The following FRAS1 variants were observed in gnomAD, a reference collection of about 807,000 sequenced individuals.
FRAS1 encodes extracellular matrix organizing protein FRAS1.
In FRAS1, 290 loss-of-function variants were observed where a neutral mutation model predicts 435.2. The observed-to-expected ratio is 0.67, with a 90% CI of 0.61 to 0.73. FRAS1 has a LOEUF of 0.73. Among genes scored for constraint, FRAS1 ranks in the 30% least tolerant of loss-of-function variants. The pLI is 0.00. For synonymous variants in FRAS1, 1,800 were observed against 1,851.0 expected (o/e 0.97, Z 0.71); for missense variants, 4,860 against 5,001.5 (o/e 0.97, Z 0.85).
rs183886250 is a variant in FRAS1 at position 78,522,631 on chromosome 4, T to C, written c.10649-18T>C. 2.9e-4 allele frequency: 462 copies of C among 1,585,964 alleles called. 2 individuals carry two copies. The East Asian group carries it at 6.8e-3, about 23-fold the overall frequency. On this transcript the variant is annotated intron_variant, in intron 68 of 73. Coordinates refer to ENST00000512123, the MANE Select transcript of FRAS1 (RefSeq NM_025074.7). ...CTACCACAAGTACATTAAATGCATG[T>C]GTTTCCCCTTCAAATAGGACAGTTT...
chr4:78,085,866 C>T (rs558639116), intron 2 of FRAS1, among the ~76,000 whole-genome samples: 22 of 152,112 alleles, frequency 1.4e-4, no homozygotes, highest in East Asian at 3.9e-4. Flanking sequence ...GACAGATCAA[C>T]GAGACAGAAA....
At chr4:78,426,336 T>C (rs756344724) in intron 35 of FRAS1, among the ~76,000 whole-genome samples, 4 of 152,196 alleles carry the variant, frequency 2.6e-5, no homozygotes, top group Non-Finnish European at 5.9e-5. Flanking sequence ...TTAAGTTAAA[T>C]GATCTTGAAC....
chr4:78,303,961 T>C (rs907517356), intron 14 of FRAS1, among the ~76,000 whole-genome samples: 3 of 151,820 alleles, frequency 2.0e-5, no homozygotes, highest in African/African-American at 7.3e-5. Context: ...CTTCCAGTTT[T>C]TGCACATTCA....
At chr4:78,163,773 A>G (rs1721233529) in intron 2 of FRAS1, among the ~76,000 whole-genome samples, 1 of 152,224 alleles carries the variant, frequency 6.6e-6, no homozygotes, top group Non-Finnish European at 1.5e-5. Flanking sequence ...TGTTGAAAAA[A>G]TAATATTTTG....
intron 23 of FRAS1, among the ~76,000 whole-genome samples, chr4:78,370,897 C>G (rs746720223): frequency 3.3e-4 from 50 of 152,146 alleles, no homozygotes; most frequent in Non-Finnish European, 6.0e-4. Context: ...ACTCCTTCCA[C>G]ATTTCTCTCT....
At chr4:78,398,441 G>A (rs1352803315) in intron 29 of FRAS1, among the ~76,000 whole-genome samples, 3 of 152,178 alleles carry the variant, frequency 2.0e-5, no homozygotes, top group Non-Finnish European at 4.4e-5. Context: ...TGAGTCACAA[G>A]GTGTATTGTC....
At chr4:78,269,886 G>A (rs868621510) in intron 9 of FRAS1, among the ~76,000 whole-genome samples, 12 of 152,174 alleles carry the variant, frequency 7.9e-5, no homozygotes, top group Non-Finnish European at 1.6e-4. Context: ...GAGGGTAGGC[G>A]CGTGGTAAAT....
chr4:78,473,632 T>A (rs1311713641), intron 53 of FRAS1, 35 bp downstream of exon 53: 1 of 1,527,560 alleles, frequency 6.5e-7, no homozygotes, highest in Admixed American at 1.8e-5. Flanking sequence ...TCTTGAGAAA[T>A]CAATCAGGCA....
chr4:78,472,125 T>A, intron 51 of FRAS1, 55 bp from the exon 52 acceptor site: 1 of 1,554,534 alleles, frequency 6.4e-7, no homozygotes. Context: ...TCAGAGGGTC[T>A]TGTTCCTGCT....
At chr4:78,392,520 A>C (rs1732487561) in intron 29 of FRAS1, among the ~76,000 whole-genome samples, 1 of 152,060 alleles carries the variant, frequency 6.6e-6, no homozygotes, top group African/African-American at 2.4e-5. Context: ...GGCTTATGGC[A>C]TTATTTCTGG....
In FRAS1 at chr4:78,315,623, C is replaced by A. The variant is rs768451421; in HGVS notation, c.1708C>A (p.Pro570Thr). 6.2e-7 allele frequency: 1 copy of A among 1,612,758 alleles called. No individual in the cohort carries two copies. Among genetic ancestry groups the A allele is most frequent in the Admixed American group, 1.7e-5 (1 of 59,834 alleles). ...ACDQSCDSCG[P>T]SSPRCLTCTE... ...TGACCAATCCTGTGACAGTTGTGGC[C>A]CCAGTAGCCCCAGGTGTCTTACCTG... Residue 570 changes from proline to threonine, a missense_variant, in exon 16 of 74, where the codon CCC becomes ACC. Transcript: ENST00000512123.
At chr4:78,412,947 A>T (rs1733399737) in intron 31 of FRAS1, 22 bp from the exon 32 acceptor site, 1 of 1,505,572 alleles carries the variant, frequency 6.6e-7, no homozygotes, top group Non-Finnish European at 9.1e-7. Flanking sequence ...TGAGAGGCTC[A>T]CCAGGATGAC....
intron 2 of FRAS1, among the ~76,000 whole-genome samples, chr4:78,102,360 C>T (rs1270154374): frequency 1.3e-5 from 2 of 152,156 alleles, no homozygotes; most frequent in African/African-American, 4.8e-5. Flanking sequence ...CAGGTTGTAA[C>T]CGGAGAGCAC....
At chr4:78,218,694 A>G (rs1182542997) in intron 2 of FRAS1, among the ~76,000 whole-genome samples, 1 of 152,212 alleles carries the variant, frequency 6.6e-6, no homozygotes, top group Non-Finnish European at 1.5e-5. Context: ...GTCTTCCCAG[A>G]GGTACTGAAA....
At position 78,237,558 on chromosome 4, in the gene FRAS1, G is replaced by A. The variant is rs2110114975; in HGVS notation, c.157G>A (p.Gly53Ser). 6.2e-7 allele frequency: 1 copy of A among 1,613,264 alleles called. No homozygotes were observed. The highest frequency in any genetic ancestry group is 2.2e-5 in the East Asian group (1 of 44,830). ...PDSCQSCRCHGDIVICKPAVC... is the reference protein window; with the variant it reads ...PDSCQSCRCHSDIVICKPAVC... ...TTCATGCCAGAGCTGCCGTTGCCAT[G>A]GTGATATTGTTATCTGCAAACCTGC... Residue 53 changes from glycine to serine, a missense_variant, in exon 3 of 74, where the codon GGT (glycine) becomes AGT (serine). Gly to Ser is a moderately conservative substitution (Grantham distance 56). Transcript: ENST00000512123.
chr4:78,291,274 T>C (rs981387349), intron 14 of FRAS1, among the ~76,000 whole-genome samples: 2 of 152,322 alleles, frequency 1.3e-5, no homozygotes, highest in South Asian at 4.1e-4. Context: ...AATTTTTCCA[T>C]GGACCGGGGA....
intron 30 of FRAS1, among the ~76,000 whole-genome samples, chr4:78,403,273 TG>T (rs1732971171): frequency 6.6e-6 from 1 of 152,200 alleles, no homozygotes; most frequent in South Asian, 2.1e-4. Context: ...CTGAATTAAA[TG>T]TTTTTTTAAG....
intron 29 of FRAS1, among the ~76,000 whole-genome samples, chr4:78,391,123 T>A (rs1732427881): frequency 6.6e-6 from 1 of 152,194 alleles, no homozygotes; most frequent in Non-Finnish European, 1.5e-5. Context: ...ATCTCTTGCA[T>A]CAGATGAGAA....
chr4:78,497,662 G>A (rs539440413), intron 60 of FRAS1, among the ~76,000 whole-genome samples: 2 of 152,224 alleles, frequency 1.3e-5, no homozygotes, highest in East Asian at 3.9e-4. Context: ...TACGAATAAA[G>A]AAACTGAACC....
Sources: allele counts gnomAD v4.1 joint callset (sites outside exome capture counted in the v4.1 genomes callset), GRCh38; gene constraint gnomAD v4.1.1; transcripts MANE v1.5; gene names NCBI Gene and HGNC (gene_info 2026-07-23, HGNC 2026-07-21).